APOB: variants seen among roughly 807,000 people sequenced by gnomAD.
The protein encoded by APOB is apolipoprotein B-100.
In APOB, 153 loss-of-function variants were observed where a neutral mutation model predicts 314.1. The observed-to-expected ratio is 0.49, with a 90% CI of 0.43 to 0.56. The LOEUF (loss-of-function observed/expected upper bound fraction) is 0.56. APOB is among the 20% of genes least tolerant of loss of function. The pLI is 0.00. For missense variants in APOB, 5,430 were observed against 5,350.7 expected (o/e 1.01, Z -0.46); for synonymous variants, 2,087 against 2,036.4 (o/e 1.02, Z -0.67).
In APOB at chr2:21,011,190, C is replaced by T; in HGVS notation, c.5678G>A (p.Ser1893Asn). ...TNYNSDSLHF[S>N]NVFRSVMAPF... is the part of the protein sequence containing the mutation. ...GGCCATTACAGAACGGAAGACATTG[C>T]TGAAATGCAGTGAGTCTGAATTATA... Residue 1893 changes from serine (S) to asparagine (N), a missense_variant, in exon 26 of 29, where the codon AGC becomes AAC. Physicochemically the swap from Ser to Asn is conservative, Grantham distance 46 (BLOSUM62 1). Transcript: ENST00000233242. 1 of 1,614,148 alleles carries T rather than the reference C, an allele frequency of 6.2e-7. No homozygotes were observed. Among genetic ancestry groups the T allele is most frequent in the Non-Finnish European group, 8.5e-7 (1 of 1,180,022 alleles).
chr2:21,005,679 A>G lies in APOB; in HGVS notation c.11189T>C (p.Phe3730Ser). Residue 3730 changes from phenylalanine (F) to serine (S), a missense_variant, in exon 26 of 29, where the codon TTC becomes TCC. By Grantham distance (155) the Phe-to-Ser change is radical. This residue lies in a region of APOB where 3,281 missense variants were observed against 3,171.0 expected (regional missense o/e 1.03). Coordinates refer to ENST00000233242, the MANE Select transcript of APOB (RefSeq NM_000384.3). ...ATTTAGTTTCAGCCCAGGAATAATG[A>G]ATTTATCAGCCAAAACTTTTACAGG... ...SIPVKVLADK[F>S]IIPGLKLNDL... 6.2e-7 allele frequency: 1 copy of G among 1,614,004 alleles called. No homozygotes were observed. Among genetic ancestry groups the G allele is most frequent in the Non-Finnish European group, 8.5e-7 (1 of 1,179,976 alleles).
rs1663445559 is a variant in APOB, at chr2:21,015,551, G to A, written c.3333-6C>T. The A allele has an allele frequency of 6.2e-7, 1 of 1,611,478 alleles. No homozygotes were observed. Among genetic ancestry groups the A allele is most frequent in the African/African-American group, 1.3e-5 (1 of 75,000 alleles). On this transcript the variant is annotated splice_region_variant and splice_polypyrimidine_tract_variant and intron_variant, in intron 21 of 28. Transcript: ENST00000233242. ...TTTCTTCCTTTGTGTCACAACTATG[G>A]TAAAGAAAATCAGTTGGCACCAATG...
In APOB at chr2:21,011,337, G is replaced by A; in HGVS notation, c.5531C>T (p.Ser1844Phe). Residue 1844 changes from serine (S) to phenylalanine (F), a missense_variant, in exon 26 of 29, where the codon TCT becomes TTT. Transcript: ENST00000233242. Reference sequence around the variant, plus strand: ...TTTATAGCTTGCTGATAAGGCAGCAGAAGAGATGGCATAGATGTGTTTTAT... The same window carrying A: ...TTTATAGCTTGCTGATAAGGCAGCAAAAGAGATGGCATAGATGTGTTTTAT... ...NEIKHIYAIS[S>F]AALSASYKAD... 2 of 1,614,208 alleles carry A rather than the reference G, an allele frequency of 1.2e-6. No homozygotes were observed. The highest frequency in any genetic ancestry group is 1.7e-6 in the Non-Finnish European group (2 of 1,180,026).
intron 21 of APOB, among the ~76,000 whole-genome samples, chr2:21,015,996 T>G (rs2103363408): frequency 6.6e-6 from 1 of 152,258 alleles, no homozygotes; most frequent in South Asian, 2.1e-4. Flanking sequence ...AGGGTTAAAA[T>G]GTTGAGAGCT....
intron 21 of APOB, 64 bp downstream of exon 21, chr2:21,016,375 A>T: frequency 1.2e-6 from 1 of 849,856 alleles, no homozygotes; most frequent in South Asian, 1.3e-5. Context: ...GAAGTGGAAG[A>T]GGAATAATGA....
In APOB at chr2:21,008,354, C is replaced by T. The variant is rs1663208581; in HGVS notation, c.8514G>A (p.Glu2838=). The T allele has an allele frequency of 2.5e-6, 4 of 1,614,006 alleles. No homozygotes were observed. Among genetic ancestry groups the T allele is most frequent in the East Asian group, 2.2e-5 (1 of 44,878 alleles). ...CAAAAAACAGCATTTCACTCCCATG[C>T]TCCGTTCTCAGGTACTTGCTGGAGA... ...VKFSSKYLRT[E]HGSEMLFFGN... is the part of the protein sequence containing the mutation. Residue 2838 remains glutamate, a synonymous_variant, in exon 26 of 29, where the codon GAG becomes GAA. Coordinates refer to ENST00000233242, the MANE Select transcript of APOB (RefSeq NM_000384.3).
chr2:21,023,102 G>C, intron 17 of APOB, 60 bp from the exon 18 acceptor site: 1 of 1,446,432 alleles, frequency 6.9e-7, no homozygotes, highest in Non-Finnish European at 9.7e-7. Flanking sequence ...CTGTCAGTCA[G>C]ATCAACCACC....
rs533551460 is a variant in APOB at position 21,002,457 on chromosome 2, A to C, written c.12965T>G (p.Phe4322Cys). Residue 4322 changes from phenylalanine to cysteine, a missense_variant, in exon 29 of 29, where the codon TTT becomes TGT. Around this residue, in one of 3 missense-constraint regions of APOB, gnomAD observed 3,281 missense variants for 3,171.0 expected, o/e 1.03. Transcript: ENST00000233242. ...TTGGATATAATTAATAAGATAAGTA[A>C]ATTTCATCTCTTTCAGCTGTTTAAT... is the stretch of plus-strand genomic sequence containing the variant. Reference protein sequence around the residue: ...DNIKQLKEMKFTYLINYIQDE... With the variant: ...DNIKQLKEMKCTYLINYIQDE... 1.2e-6 allele frequency: 2 copies of C among 1,605,876 alleles called. No homozygotes were observed. Among genetic ancestry groups the C allele is most frequent in the Admixed American group, 1.7e-5 (1 of 59,442 alleles).
At chr2:21,035,050 T>G in intron 7 of APOB, 149 bp from the exon 8 acceptor site, 3 of 731,548 alleles carry the variant, frequency 4.1e-6, no homozygotes, top group South Asian at 1.4e-5. Flanking sequence ...CCTGAATGAA[T>G]AACATCCACC....
At position 21,012,431 on chromosome 2, in the gene APOB, C is replaced by T. The variant is rs770682013; in HGVS notation, c.4437G>A (p.Leu1479=). 2 of 1,614,174 alleles carry T rather than the reference C, an allele frequency of 1.2e-6. No homozygotes were observed. Among genetic ancestry groups the T allele is most frequent in the Admixed American group, 1.7e-5 (1 of 60,026 alleles). The change falls in exon 26 of 29, where the codon TTG becomes TTA. Residue 1479 remains leucine, a synonymous_variant. Transcript: ENST00000233242. ...VHLDSKKKQH[L]FVKEVKIDGQ... ...CATCAATCTTGACTTCTTTGACAAA[C>T]AAATGCTGTTTCTTTTTGGAGTCCA...
chr2:21,015,290 G>A, intron 22 of APOB, 30 bp from the exon 23 acceptor site: 2 of 1,612,980 alleles, frequency 1.2e-6, no homozygotes, highest in Non-Finnish European at 8.5e-7. Flanking sequence ...AGTTGTGAAT[G>A]GTACTAGTTC....
intron 24 of APOB, among the ~76,000 whole-genome samples, 185 bp downstream of exon 24, chr2:21,014,263 A>G (rs1663409907): frequency 1.3e-5 from 2 of 152,146 alleles, no homozygotes; most frequent in Admixed American, 6.5e-5. Context: ...ATTCTTCCTG[A>G]CAGGGTTGGT....
chr2:21,028,701 T>C (rs1252443797), intron 12 of APOB, among the ~76,000 whole-genome samples, 163 bp from the exon 13 acceptor site: 1 of 152,220 alleles, frequency 6.6e-6, no homozygotes, highest in African/African-American at 2.4e-5. Flanking sequence ...CAGTGTTTCC[T>C]AGAGCACTAT....
chr2:21,043,688 C>T lies in APOB; in HGVS notation c.83-137G>A. The T allele has an allele frequency of 1.3e-5, 20 of 1,496,768 alleles. 1 individual carries two copies. In the South Asian group the frequency reaches 2.4e-4, roughly 18 times the overall value. The allele number at this position is 1,496,768 out of a possible 1,614,324, so 92.7% of individuals were successfully genotyped here. On this transcript the variant is annotated intron_variant, in intron 1 of 28. Transcript: ENST00000233242. ...TCCGGAGACCCCCTCCTCAGCCCCTCCATCCCGCGCCCCCCATCCTGAGCC... is the reference window on the plus strand; with the variant it reads ...TCCGGAGACCCCCTCCTCAGCCCCTTCATCCCGCGCCCCCCATCCTGAGCC...
chr2:21,009,077 C>T lies in APOB; in HGVS notation c.7791G>A (p.Met2597Ile). ...VPEIKTILGT[M>I]PAFEVSLQAL... ...CCTGAAGACTGACTTCAAAGGCAGG[C>T]ATGGTCCCAAGGATGGTCTTGATTT... Residue 2597 changes from methionine to isoleucine, a missense_variant, in exon 26 of 29, where the codon ATG becomes ATA. Transcript: ENST00000233242. The T allele has an allele frequency of 6.2e-7, 1 of 1,614,044 alleles. No individual in the cohort carries two copies. Among genetic ancestry groups the T allele is most frequent in the Non-Finnish European group, 8.5e-7 (1 of 1,179,938 alleles).
In APOB at chr2:21,004,639, G is replaced by A; in HGVS notation, c.11825C>T (p.Ala3942Val). ...TGCAAATGTTCCTTTAGTCTTAGAG[G>A]CTAACGTACCATCTTCGATTTTGTG... is the stretch of plus-strand genomic sequence containing the variant. The part of the protein sequence containing the change: ...GTHKIEDGTL[A>V]SKTKGTFAHR... The change falls in exon 27 of 29, where the codon GCC (alanine) becomes GTC (valine). Residue 3942 changes from alanine to valine, a missense_variant. By Grantham distance (64) the Ala-to-Val change is moderately conservative. Coordinates refer to ENST00000233242, the MANE Select transcript of APOB (RefSeq NM_000384.3). 2 of 1,613,840 alleles carry A rather than the reference G, an allele frequency of 1.2e-6. No homozygotes were observed. Among genetic ancestry groups the A allele is most frequent in the Non-Finnish European group, 1.7e-6 (2 of 1,179,796 alleles).
chr2:21,011,828 T>G lies in APOB; in HGVS notation c.5040A>C (p.Ala1680=), dbSNP rs779338516. The change falls in exon 26 of 29, where the codon GCA becomes GCC. Residue 1680 remains alanine, a synonymous_variant. Coordinates refer to ENST00000233242, the MANE Select transcript of APOB (RefSeq NM_000384.3). Reference sequence around the variant, plus strand: ...GGCCATTTGTTGTTAATTTCATAGATGCCCCAGAGAGGCCAAGCTCTGCAT... The same window carrying G: ...GGCCATTTGTTGTTAATTTCATAGAGGCCCCAGAGAGGCCAAGCTCTGCAT... ...ELNAELGLSG[A]SMKLTTNGRF... The G allele has an allele frequency of 6.2e-7, 1 of 1,614,134 alleles. No homozygotes were observed. Among genetic ancestry groups the G allele is most frequent in the East Asian group, 2.2e-5 (1 of 44,870 alleles).
At chr2:21,016,020 T>C (rs1663453738) in intron 21 of APOB, among the ~76,000 whole-genome samples, 1 of 152,188 alleles carries the variant, frequency 6.6e-6, no homozygotes, top group Non-Finnish European at 1.5e-5. Context: ...CCGGGTGCAG[T>C]GGCTTACACC....
Position 21,012,642 on chromosome 2 carries a change from T to C in APOB, c.4226A>G (p.Glu1409Gly). The change falls in exon 26 of 29, where the codon GAA becomes GGA. Residue 1409 changes from glutamate to glycine, a missense_variant. Coordinates refer to ENST00000233242, the MANE Select transcript of APOB (RefSeq NM_000384.3). ...CGTATTCTTGTGGTCATATGTTGTTTCTCCAGATCCTAACATAAAAATGAA... is the reference window on the plus strand; with the variant it reads ...CGTATTCTTGTGGTCATATGTTGTTCCTCCAGATCCTAACATAAAAATGAA... ...LLSYNVQGSG[E>G]TTYDHKNTFT... 6.2e-7 allele frequency: 1 copy of C among 1,612,026 alleles called. No individual in the cohort carries two copies. Among genetic ancestry groups the C allele is most frequent in the Non-Finnish European group, 8.5e-7 (1 of 1,179,590 alleles).
Sources: allele counts gnomAD v4.1 joint callset (sites outside exome capture counted in the v4.1 genomes callset), GRCh38; gene constraint gnomAD v4.1.1; regional missense constraint gnomAD v4.1.1; transcripts MANE v1.5; gene names NCBI Gene and HGNC (gene_info 2026-07-23, HGNC 2026-07-21).